ZNF407: variants seen among roughly 807,000 people sequenced by gnomAD.
The protein encoded by ZNF407 is zinc finger protein 407.
A neutral mutation model predicts 131.2 loss-of-function variants in ZNF407; 17 were observed. That is an observed-to-expected ratio of 0.13 (90% CI 0.09 to 0.19). The LOEUF (loss-of-function observed/expected upper bound fraction) is 0.19, where lower values mean the gene tolerates loss of function less well. Among genes scored for constraint, ZNF407 ranks in the 10% least tolerant of loss-of-function variants. The probability of loss-of-function intolerance (pLI) is 1.00; values close to 1 mark genes in which losing one functional copy is unlikely to be tolerated. For synonymous variants in ZNF407, 1,156 were observed against 1,062.0 expected, an observed-to-expected ratio of 1.09 and a Z score of -1.72; for missense variants, 2,681 against 2,830.6, an observed-to-expected ratio of 0.95 and a Z score of 1.20.
chr18:74,870,946 T>C (rs1971078324), intron 4 of ZNF407, among the ~76,000 whole-genome samples: 1 of 152,236 alleles, frequency 6.6e-6, no homozygotes, highest in African/African-American at 2.4e-5. Context: ...TGTATGAAAG[T>C]GTGCTTAAAG....
At chr18:75,000,478 T>C (rs896794497) in intron 8 of ZNF407, among the ~76,000 whole-genome samples, 2 of 152,234 alleles carry the variant, frequency 1.3e-5, no homozygotes, top group Admixed American at 6.5e-5. Flanking sequence ...CTCTTTTTCT[T>C]GGTGCTCCTC....
At chr18:75,033,552 A>G (rs992359471) in intron 8 of ZNF407, among the ~76,000 whole-genome samples, 5 of 152,216 alleles carry the variant, frequency 3.3e-5, no homozygotes, top group African/African-American at 1.2e-4. Flanking sequence ...GTTCAGAAAG[A>G]TGGAGGTGAC....
chr18:74,896,670 T>G (rs563546075), intron 7 of ZNF407, among the ~76,000 whole-genome samples: 3 of 152,202 alleles, frequency 2.0e-5, no homozygotes, highest in Non-Finnish European at 4.4e-5. Context: ...AAGGTTCTCC[T>G]AGCTTGTGTC....
At chr18:74,863,137 T>G (rs1029182078) in intron 4 of ZNF407, among the ~76,000 whole-genome samples, 3 of 151,778 alleles carry the variant, frequency 2.0e-5, no homozygotes, top group Admixed American at 6.6e-5. Flanking sequence ...ACCAGGCTGG[T>G]CTTGAACTCC....
intron 3 of ZNF407, among the ~76,000 whole-genome samples, chr18:74,651,900 C>T (rs998024339): frequency 1.3e-5 from 2 of 152,034 alleles, no homozygotes; most frequent in Non-Finnish European, 2.9e-5. Flanking sequence ...AGTAGTTAGT[C>T]GTTGGATTGT....
At position 74,948,898 on chromosome 18, in the gene ZNF407, C is replaced by A. The variant is rs561537027; in HGVS notation, c.5428+28206C>A. Among the ~76,000 whole-genome samples, 5 of 152,202 alleles carry A rather than the reference C, an allele frequency of 3.3e-5. No individual in the cohort carries two copies. The East Asian group carries it at 9.6e-4, about 29-fold the overall frequency. On this transcript the variant is annotated intron_variant, in intron 8 of 8. Transcript: ENST00000299687. The stretch of plus-strand genomic sequence containing the variant: ...CAGAAATAAAGAAGAAATACTAGAA[C>A]TTTTAAGGTGTTTTATATAAAGGTT...
chr18:74,755,773 C>CTTTCTTTCTT (rs769763395), intron 3 of ZNF407, among the ~76,000 whole-genome samples: 1,965 of 113,116 alleles, frequency 0.017, 51 homozygotes, highest in African/African-American at 0.048. Flanking sequence ...TTCTTTCTTT[C>CTTTCTTTCTT]TCTCTCTCTC....
chr18:74,692,890 T>C (rs143520594), intron 3 of ZNF407, among the ~76,000 whole-genome samples: 64 of 152,302 alleles, frequency 4.2e-4, no homozygotes, highest in African/African-American at 1.2e-3. Flanking sequence ...TGTGAGGCTT[T>C]TGCTTTATGG....
At chr18:74,993,197 T>C (rs1165829267) in intron 8 of ZNF407, among the ~76,000 whole-genome samples, 1 of 152,230 alleles carries the variant, frequency 6.6e-6, no homozygotes, top group Non-Finnish European at 1.5e-5. Context: ...TATATGAATA[T>C]TTATGATAGT....
chr18:74,633,910 A>G lies in ZNF407; in HGVS notation c.2891A>G (p.Asn964Ser), dbSNP rs1301024031. The G allele has an allele frequency of 1.9e-5, 30 of 1,614,032 alleles. No individual in the cohort carries two copies. The highest frequency in any genetic ancestry group is 2.4e-5 in the Non-Finnish European group (28 of 1,179,910). The change falls in exon 2 of 9, where the codon AAC becomes AGC. Residue 964 changes from asparagine (N) to serine (S), a missense_variant. Physicochemically the swap from Asn to Ser is conservative, Grantham distance 46. This residue lies in a region of ZNF407 where 1,789 missense variants were observed against 1,748.7 expected (regional missense o/e 1.02). Transcript: ENST00000299687. ...GTTTTAGAGAAGCCAGATCGTGGAA[A>G]CTCAATTGAAGCTGAAGTTGAAAAT... ...TSVLEKPDRG[N>S]SIEAEVENVF...
intron 3 of ZNF407, among the ~76,000 whole-genome samples, chr18:74,751,601 C>T (rs1017197736): frequency 6.6e-6 from 1 of 151,994 alleles, no homozygotes; most frequent in Middle Eastern, 3.2e-3. Flanking sequence ...CAATTCCCAC[C>T]TATGAGTGAG....
At chr18:75,006,877 A>G (rs936103716) in intron 8 of ZNF407, among the ~76,000 whole-genome samples, 2 of 151,562 alleles carry the variant, frequency 1.3e-5, no homozygotes, top group African/African-American at 4.9e-5. Flanking sequence ...GTTAGATACA[A>G]CTATGTATAG....
At chr18:74,601,662 A>T (rs1288164947) in intron 1 of ZNF407, among the ~76,000 whole-genome samples, 1 of 152,060 alleles carries the variant, frequency 6.6e-6, no homozygotes. Flanking sequence ...CAGGAGCGAG[A>T]GAGTGGGGAG....
chr18:74,795,814 G>T (rs1419035990), intron 4 of ZNF407, among the ~76,000 whole-genome samples: 1 of 152,210 alleles, frequency 6.6e-6, no homozygotes, highest in Admixed American at 6.5e-5. Context: ...TAAATGACGG[G>T]TACATGCTTT....
intron 8 of ZNF407, among the ~76,000 whole-genome samples, chr18:75,045,844 C>G (rs1973429336): frequency 6.6e-6 from 1 of 152,056 alleles, no homozygotes; most frequent in African/African-American, 2.4e-5. Context: ...AGGTAGATGA[C>G]TATACTCTTA....
At chr18:74,920,834 G>C (rs1971837841) in intron 8 of ZNF407, 142 bp downstream of exon 8, 4 of 1,296,558 alleles carry the variant, frequency 3.1e-6, no homozygotes, top group Non-Finnish European at 3.0e-6. Context: ...CTATAGAAAA[G>C]TACATTCCAG....
In ZNF407 at chr18:75,064,423, G is replaced by T. The variant is rs538018975; in HGVS notation, c.6702G>T (p.Ala2234=). 1.3e-6 allele frequency: 2 copies of T among 1,522,452 alleles called. No individual in the cohort carries two copies. The highest frequency in any genetic ancestry group is 2.8e-5 in the African/African-American group (2 of 72,174). The allele number at this position is 1,522,452 out of a possible 1,614,324, so 94.3% of individuals were successfully genotyped here. A position where few individuals can be genotyped will look rare whatever the true frequency, so the allele number is the denominator to read the frequency against. Residue 2234 remains alanine, a synonymous_variant, in exon 9 of 9, where the codon GCG becomes GCT. Coordinates refer to ENST00000299687, the MANE Select transcript of ZNF407 (RefSeq NM_017757.3). ...IYTQEGSSAA[A]AIQSQRESSE... is the part of the protein sequence containing the mutation. The stretch of plus-strand genomic sequence containing the variant: ...CCCAGGAGGGCTCCTCGGCCGCGGC[G>T]GCAATTCAGAGCCAAAGAGAAAGCA...
chr18:74,794,557 A>T (rs929997257), intron 4 of ZNF407, among the ~76,000 whole-genome samples: 1 of 152,058 alleles, frequency 6.6e-6, no homozygotes, highest in African/African-American at 2.4e-5. Context: ...TACGTTGCTT[A>T]TTGCAGAATA....
intron 1 of ZNF407, among the ~76,000 whole-genome samples, chr18:74,598,669 C>T (rs1568308419): frequency 6.6e-6 from 1 of 152,268 alleles, no homozygotes; most frequent in Non-Finnish European, 1.5e-5. Context: ...CTAGCCATTC[C>T]CGACTTCAGC....
Sources: gnomAD v4.1 joint callset for allele counts (sites outside exome capture counted in the v4.1 genomes callset) on GRCh38, gnomAD v4.1.1 for gene constraint, gnomAD v4.1.1 regional missense constraint, MANE v1.5 for transcripts, NCBI Gene and HGNC (gene_info 2026-07-23, HGNC 2026-07-21) for gene names.